The following SETD1B variants were observed in gnomAD, a reference collection of about 807,000 sequenced individuals.
The protein encoded by SETD1B is SET domain containing 1B, histone lysine methyltransferase, also known as histone-lysine N-methyltransferase SETD1B.
Under a neutral mutation model 148.0 loss-of-function variants are expected in SETD1B, and 7 were observed. The ratio of observed to expected loss-of-function variants is 0.05; its 90% confidence interval spans 0.03 to 0.09. The LOEUF (loss-of-function observed/expected upper bound fraction) is 0.09, where lower values mean the gene tolerates loss of function less well. Ranked by LOEUF, SETD1B falls within the 10% of genes least tolerant of loss-of-function variation. The pLI, the probability that SETD1B is intolerant of heterozygous loss-of-function variation, is 1.00. For synonymous variants in SETD1B, 1,361 were observed against 1,186.5 expected (o/e 1.15, Z -3.02); for missense variants, 2,155 against 2,729.9 (o/e 0.79, Z 4.69).
Position 121,827,906 on chromosome 12 carries a change from G to A in SETD1B, c.5590-27G>A, listed in dbSNP as rs576481409. On this transcript the variant is annotated intron_variant, in intron 15 of 16. Coordinates refer to ENST00000604567, the MANE Select transcript of SETD1B (RefSeq NM_001353345.2). ...CCGGGGTGGGCATGGGGCCGGCCCAGCCAGACTGACCCCCTTTTGTGGCCA... is the reference window on the plus strand; with the variant it reads ...CCGGGGTGGGCATGGGGCCGGCCCAACCAGACTGACCCCCTTTTGTGGCCA... The A allele has an allele frequency of 1.5e-5, 23 of 1,552,312 alleles. No homozygotes were observed. In the East Asian group the frequency reaches 4.9e-4, roughly 33 times the overall value.
chr12:121,819,411 A>G lies in SETD1B; in HGVS notation c.3426A>G (p.Thr1142=). 1 of 1,551,894 alleles carries G rather than the reference A, an allele frequency of 6.4e-7. No individual in the cohort carries two copies. Among genetic ancestry groups the G allele is most frequent in the Non-Finnish European group, 8.7e-7 (1 of 1,147,046 alleles). ...TCTGTGTCCCCCATCCAGAGGAGAC[A>G]GTGAGCATTGTAACCTCCAAGGCCG... ...KDEGDSDEEE[T]VSIVTSKAEA... is the part of the protein sequence containing the mutation. Residue 1142 remains threonine (T), a synonymous_variant, in exon 11 of 17, where the codon ACA becomes ACG. Transcript: ENST00000604567.
At chr12:121,800,183 G>A (rs1376221564), upstream of SETD1B, 2 of 152,046 alleles carry the variant, frequency 1.3e-5, no homozygotes, top group Admixed American at 1.3e-4. Flanking sequence ...CCCTCCCCGG[G>A]AAGGGCCGGA....
At chr12:121,796,599 G>A in the SETD1B span, among the ~76,000 whole-genome samples, 171 of 152,324 alleles carry the variant, frequency 1.1e-3, no homozygotes, top group African/African-American at 4.0e-3. Context: ...TCCCAGGGAC[G>A]GGAGCTGGCC....
At chr12:121,820,398 C>A (rs1402843586) in intron 11 of SETD1B, among the ~76,000 whole-genome samples, 1 of 152,238 alleles carries the variant, frequency 6.6e-6, no homozygotes, top group African/African-American at 2.4e-5. Context: ...AGCACTGTAG[C>A]CTTCAGACAC....
rs1264282679 is a variant in SETD1B, at chr12:121,805,561, G to A, written c.274-274G>A. ...GCAGCAGGAAGAGAAGGCCAGAAAG[G>A]GGGGTGGGGAAAGAGAAACTGTTTC... On this transcript the variant is annotated intron_variant, in intron 3 of 16. Transcript: ENST00000604567. The surrounding 1 kb of genome is among the most constrained non-coding windows in gnomAD (Gnocchi z 4.2). 1.3e-5 allele frequency among the ~76,000 whole-genome samples: 2 copies of A among 152,150 alleles called. No individual in the cohort carries two copies.
chr12:121,827,173 CA>C (rs1876881171), intron 13 of SETD1B, among the ~76,000 whole-genome samples: 1 of 151,770 alleles, frequency 6.6e-6, no homozygotes, highest in African/African-American at 2.4e-5. Context: ...GGACGTGACA[CA>C]AGGGTTTCGG....
upstream of SETD1B, chr12:121,799,740 G>GGGGGGGGGGGGGGGGGGGGGC (rs1566540807): frequency 9.2e-6 from 1 of 109,010 alleles, no homozygotes; most frequent in Non-Finnish European, 2.1e-5. Flanking sequence ...GTGGGGTGGG[G>GGGGGGGGGGGGGGGGGGGGGC]CGGGGCCGCA....
At position 121,823,586 on chromosome 12, in the gene SETD1B, C is replaced by A. The variant is rs1202383153; in HGVS notation, c.5007C>A (p.Phe1669Leu). The change falls in exon 12 of 17, where the codon TTC (phenylalanine) becomes TTA (leucine). Residue 1669 changes from phenylalanine (F) to leucine (L), a missense_variant. Around this residue, in one of 11 missense-constraint regions of SETD1B, gnomAD observed 862 missense variants for 873.8 expected, o/e 0.99. Transcript: ENST00000604567. Reference protein sequence around the residue: ...SPELSPPQPLFRPRSEFEEMT... With the variant: ...SPELSPPQPLLRPRSEFEEMT... ...AACTCTCGCCACCCCAGCCCCTCTTCCGGCCCCGCTCGGAGTTTGAGGAGA... is the reference window on the plus strand; with the variant it reads ...AACTCTCGCCACCCCAGCCCCTCTTACGGCCCCGCTCGGAGTTTGAGGAGA... 1 of 1,551,388 alleles carries A rather than the reference C, an allele frequency of 6.4e-7. No homozygotes were observed. Among genetic ancestry groups the A allele is most frequent in the Non-Finnish European group, 8.7e-7 (1 of 1,146,994 alleles).
Position 121,804,697 on chromosome 12 carries a change from AGAC to A in SETD1B, c.-14-23_-14-21del, listed in dbSNP as rs916506018. On this transcript the variant is annotated intron_variant, in intron 1 of 16. Transcript: ENST00000604567. The surrounding 1 kb of genome is among the most constrained non-coding windows in gnomAD (Gnocchi z 4.6). ...GCGGCCGCCGCCGCCGCCGCGGCGG[AGAC>A]GACAACAACTTGCTGGTTTTCAGGT... is the stretch of plus-strand genomic sequence containing the variant. 41 of 1,536,696 alleles carry A rather than the reference AGAC, an allele frequency of 2.7e-5. No homozygotes were observed. The African/African-American group carries it at 2.8e-4, about 10-fold the overall frequency.
intron 7 of SETD1B, among the ~76,000 whole-genome samples, chr12:121,816,470 T>G (rs1876298879): frequency 6.6e-6 from 1 of 152,248 alleles, no homozygotes; most frequent in African/African-American, 2.4e-5. Flanking sequence ...ATACTGACCC[T>G]ACAGTAACAG....
At chr12:121,802,823 T>C (rs983628335), upstream of SETD1B, 4 of 152,240 alleles carry the variant, frequency 2.6e-5, no homozygotes, top group Admixed American at 1.3e-4. Context: ...CGTCCTGAAC[T>C]GGATGGTAGA....
chr12:121,793,700 G>A, the SETD1B span: 1 of 1,390,344 alleles, frequency 7.2e-7, no homozygotes, highest in Non-Finnish European at 9.3e-7. Context: ...TCGGGGGCGG[G>A]GCGGGGCCGG....
chr12:121,816,925 C>T, intron 7 of SETD1B, 108 bp from the exon 8 acceptor site: 3 of 965,986 alleles, frequency 3.1e-6, no homozygotes, highest in Non-Finnish European at 4.5e-6. Context: ...ATGCAGTTAC[C>T]TGTGGTGGCT....
rs1355859860 is a variant in SETD1B at position 121,808,305 on chromosome 12, G to C, written c.642G>C (p.Val214=). 2 of 1,549,806 alleles carry C rather than the reference G, an allele frequency of 1.3e-6. No individual in the cohort carries two copies. Among genetic ancestry groups the C allele is most frequent in the East Asian group, 2.5e-5 (1 of 40,812 alleles). Residue 214 remains valine, a synonymous_variant, in exon 5 of 17, where the codon GTG becomes GTC. Coordinates refer to ENST00000604567, the MANE Select transcript of SETD1B (RefSeq NM_001353345.2). The surrounding 1 kb of genome is among the most constrained non-coding windows in gnomAD (Gnocchi z 5.3). ...VGELDAVSPI[V]NETLQLSDAL... is the part of the protein sequence containing the mutation. ...AGCTGGACGCTGTCTCTCCAATCGTGAATGAGACCCTGCAGGTGGGTTTAT... is the reference window on the plus strand; with the variant it reads ...AGCTGGACGCTGTCTCTCCAATCGTCAATGAGACCCTGCAGGTGGGTTTAT...
rs1464488172 is a variant in SETD1B, at chr12:121,805,527, C to G, written c.274-308C>G. Among the ~76,000 whole-genome samples, 2 of 152,120 alleles carry G rather than the reference C, an allele frequency of 1.3e-5. No individual in the cohort carries two copies. The highest frequency in any genetic ancestry group is 6.5e-5 in the Admixed American group (1 of 15,288). On this transcript the variant is annotated intron_variant, in intron 3 of 16. Coordinates refer to ENST00000604567, the MANE Select transcript of SETD1B (RefSeq NM_001353345.2). This position sits in a 1 kb window ranked among gnomAD's most constrained non-coding sequence, Gnocchi z 4.2. ...AACTTCTTAAGCCTGAGGGGTCGCC[C>G]CTGACCCGGCAGCAGGAAGAGAAGG...
At position 121,822,666 on chromosome 12, in the gene SETD1B, A is replaced by T. The variant is rs779059347; in HGVS notation, c.4087A>T (p.Thr1363Ser). 1.9e-6 allele frequency: 3 copies of T among 1,545,286 alleles called. No individual in the cohort carries two copies. Among genetic ancestry groups the T allele is most frequent in the Admixed American group, 3.9e-5 (2 of 50,640 alleles). Reference sequence around the variant, plus strand: ...CCTTGCCGAGGACCACCCCCCGCATACTCCAGGCCTCTGTGGCAGCCTGGC... The same window carrying T: ...CCTTGCCGAGGACCACCCCCCGCATTCTCCAGGCCTCTGTGGCAGCCTGGC... ...EPLAEDHPPH[T>S]PGLCGSLAKS... The change falls in exon 12 of 17, where the codon ACT becomes TCT. Residue 1363 changes from threonine to serine, a missense_variant. Physicochemically the swap from Thr to Ser is moderately conservative, Grantham distance 58. Transcript: ENST00000604567.
chr12:121,821,638 C>A (rs776681987), intron 11 of SETD1B, among the ~76,000 whole-genome samples: 1 of 151,402 alleles, frequency 6.6e-6, no homozygotes, highest in Non-Finnish European at 1.5e-5. Context: ...GTAATCCCAG[C>A]GGCTTGGGAG....
rs755710171 is a variant in SETD1B, at chr12:121,827,779, C to T, written c.5514C>T (p.Asp1838=). ...AGTTCTGCAAGAGCCACATTCACGA[C>T]TGGGGCTTGTTCGCCATGGAGCCCA... ...KLKFCKSHIH[D]WGLFAMEPIA... is the part of the protein sequence containing the mutation. The change falls in exon 15 of 17, where the codon GAC becomes GAT. Residue 1838 remains aspartate (D), a synonymous_variant. Transcript: ENST00000604567. The T allele has an allele frequency of 3.9e-6, 6 of 1,554,146 alleles. No homozygotes were observed. The highest frequency in any genetic ancestry group is 5.2e-6 in the Non-Finnish European group (6 of 1,148,166).
rs1875628737 is a variant in SETD1B at position 121,804,693 on chromosome 12, G to A, written c.-14-31G>A. On this transcript the variant is annotated intron_variant, in intron 1 of 16. Coordinates refer to ENST00000604567, the MANE Select transcript of SETD1B (RefSeq NM_001353345.2). This position sits in a 1 kb window ranked among gnomAD's most constrained non-coding sequence, Gnocchi z 4.6. ...AGAAGCGGCCGCCGCCGCCGCCGCG[G>A]CGGAGACGACAACAACTTGCTGGTT... 1.3e-6 allele frequency: 2 copies of A among 1,537,276 alleles called. No homozygotes were observed. The highest frequency in any genetic ancestry group is 1.2e-5 in the South Asian group (1 of 82,970).
Sources: allele counts gnomAD v4.1 joint callset (sites outside exome capture counted in the v4.1 genomes callset), GRCh38; gene constraint gnomAD v4.1.1; regional missense constraint gnomAD v4.1.1; non-coding constraint Gnocchi (gnomAD v3.1); transcripts MANE v1.5; gene names NCBI Gene and HGNC (gene_info 2026-07-23, HGNC 2026-07-21).